Variants in ADARB2 observed in about 807,000 individuals in gnomAD.
ADARB2 encodes inactive double-stranded RNA-specific editase B2.
In ADARB2, 25 loss-of-function variants were observed where a neutral mutation model predicts 62.2. The ratio of observed to expected loss-of-function variants is 0.40; its 90% CI spans 0.29 to 0.56. The LOEUF is 0.56. Ranked by LOEUF, ADARB2 falls within the 20% of genes least tolerant of loss-of-function variation. The pLI is 0.43. For missense variants in ADARB2, 1,071 were observed against 1,077.4 expected, an observed-to-expected ratio of 0.99 and a Z score of 0.08; for synonymous variants, 572 against 500.8, an observed-to-expected ratio of 1.14 and a Z score of -1.90.
At chr10:1,462,503 T>C (rs1049712686) in intron 1 of ADARB2, among the ~76,000 whole-genome samples, 1 of 152,188 alleles carries the variant, frequency 6.6e-6, no homozygotes, top group African/African-American at 2.4e-5. Context: ...TTAGGGCGTG[T>C]GCATGAGTGT....
chr10:1,703,903 C>A (rs746265137), intron 1 of ADARB2, among the ~76,000 whole-genome samples: 5 of 152,184 alleles, frequency 3.3e-5, no homozygotes, highest in Admixed American at 6.5e-5. Context: ...AGTGACCTTG[C>A]GACTTTCACA....
In ADARB2 at chr10:1,273,135, ATATC is replaced by A. The variant is rs1438109340; in HGVS notation, c.1078-2070_1078-2067del. On this transcript the variant is annotated intron_variant, in intron 3 of 9. Transcript: ENST00000381312. ...CCATCTCAAAGTCCTTAACTTGAGG[ATATC>A]TGCAGAGAACGTTTTCTCAGTCACC... Among the ~76,000 whole-genome samples, 3 of 152,332 alleles carry A rather than the reference ATATC, an allele frequency of 2.0e-5. No homozygotes were observed. The East Asian group carries it at 5.8e-4, about 29-fold the overall frequency.
rs187234618 is a variant in ADARB2, at chr10:1,263,283, A to G, written c.1192+7672T>C. 1.7e-3 allele frequency among the ~76,000 whole-genome samples: 262 copies of G among 152,326 alleles called. 2 individuals carry two copies. Among genetic ancestry groups the G allele is most frequent in the African/African-American group, 6.0e-3 (248 of 41,568 alleles). ...GTACCCTAAAACTTAAAGTATAATA[A>G]TAGTAATAATAAAGAATATTTTAGC... On this transcript the variant is annotated intron_variant, in intron 4 of 9. Transcript: ENST00000381312.
At chr10:1,525,568 G>A (rs1208496060) in intron 1 of ADARB2, among the ~76,000 whole-genome samples, 3 of 152,060 alleles carry the variant, frequency 2.0e-5, no homozygotes, top group Non-Finnish European at 4.4e-5. Flanking sequence ...GGTGGTCCAC[G>A]TTTTCCTGTC....
At chr10:1,625,094 A>G (rs1267824503) in intron 1 of ADARB2, among the ~76,000 whole-genome samples, 1 of 152,218 alleles carries the variant, frequency 6.6e-6, no homozygotes, top group African/African-American at 2.4e-5. Context: ...TCTGTTCAGA[A>G]TTGGCCAAAC....
At chr10:1,657,805 C>T (rs1050147607) in intron 1 of ADARB2, among the ~76,000 whole-genome samples, 3 of 152,184 alleles carry the variant, frequency 2.0e-5, no homozygotes, top group Admixed American at 1.3e-4. Context: ...GCCTCCCTCC[C>T]GGTCTTTCTC....
intron 1 of ADARB2, among the ~76,000 whole-genome samples, chr10:1,703,645 T>C (rs1313027795): frequency 6.6e-6 from 1 of 152,230 alleles, no homozygotes; most frequent in African/African-American, 2.4e-5. Context: ...AGCATAATAA[T>C]CTTAAAATGA....
intron 1 of ADARB2, among the ~76,000 whole-genome samples, chr10:1,484,988 C>A (rs370650810): frequency 6.6e-6 from 1 of 151,512 alleles, no homozygotes; most frequent in Admixed American, 6.6e-5. Flanking sequence ...GTGTCTATGT[C>A]GGCATTCAGG....
chr10:1,587,087 G>A (rs1833190270), intron 1 of ADARB2, among the ~76,000 whole-genome samples: 1 of 152,074 alleles, frequency 6.6e-6, no homozygotes, highest in Non-Finnish European at 1.5e-5. Context: ...TTCATTAATG[G>A]CTAAAATGAT....
intron 2 of ADARB2, among the ~76,000 whole-genome samples, chr10:1,378,283 G>A (rs1832451833): frequency 6.6e-6 from 1 of 151,964 alleles, no homozygotes; most frequent in South Asian, 2.1e-4. Flanking sequence ...CCCCTTTCCA[G>A]TTTCATGTGC....
At chr10:1,525,521 G>A (rs558651989) in intron 1 of ADARB2, among the ~76,000 whole-genome samples, 184 of 152,088 alleles carry the variant, frequency 1.2e-3, no homozygotes, top group Non-Finnish European at 2.4e-3. Context: ...TATCTAGGGG[G>A]CCTTTTCAGT....
intron 1 of ADARB2, among the ~76,000 whole-genome samples, chr10:1,709,329 T>C (rs1834925855): frequency 6.6e-6 from 1 of 152,226 alleles, no homozygotes; most frequent in Admixed American, 6.5e-5. Flanking sequence ...TGTTTAGTCT[T>C]GTAAAACTGT....
chr10:1,546,879 C>A (rs964453236), intron 1 of ADARB2, among the ~76,000 whole-genome samples: 4 of 152,200 alleles, frequency 2.6e-5, no homozygotes, highest in Non-Finnish European at 5.9e-5. Flanking sequence ...GGCGGGAATG[C>A]GATGAGGGCT....
intron 1 of ADARB2, among the ~76,000 whole-genome samples, chr10:1,490,617 G>A (rs949986482): frequency 6.6e-6 from 1 of 152,074 alleles, no homozygotes. Context: ...ATCCTGCCCA[G>A]CTAATTTTTG....
chr10:1,649,721 A>G (rs149456081), intron 1 of ADARB2, among the ~76,000 whole-genome samples: 6 of 152,350 alleles, frequency 3.9e-5, no homozygotes, highest in Middle Eastern at 3.4e-3. Context: ...GACAGCCACA[A>G]GATGCAGTGC....
intron 1 of ADARB2, among the ~76,000 whole-genome samples, chr10:1,619,613 A>C (rs183579305): frequency 6.6e-6 from 1 of 152,176 alleles, no homozygotes; most frequent in East Asian, 1.9e-4. Context: ...CACCATGCCC[A>C]GCTAATTTTT....
intron 1 of ADARB2, among the ~76,000 whole-genome samples, chr10:1,719,747 G>A (rs138915043): frequency 5.9e-5 from 9 of 152,146 alleles, no homozygotes; most frequent in African/African-American, 4.8e-5. Flanking sequence ...GATCAAACAC[G>A]TTCTCTAAAG....
At chr10:1,296,650 T>G (rs1487562430) in intron 3 of ADARB2, among the ~76,000 whole-genome samples, 3 of 152,168 alleles carry the variant, frequency 2.0e-5, no homozygotes, top group African/African-American at 7.2e-5. Flanking sequence ...CCTGGGACTC[T>G]CTGCATTTAG....
chr10:1,650,193 A>T (rs1200561078), intron 1 of ADARB2, among the ~76,000 whole-genome samples: 1 of 152,264 alleles, frequency 6.6e-6, no homozygotes, highest in African/African-American at 2.4e-5. Flanking sequence ...ATTAAGTGGC[A>T]GCTCTACAAA....
Sources: allele counts gnomAD v4.1 joint callset (sites outside exome capture counted in the v4.1 genomes callset), GRCh38; gene constraint gnomAD v4.1.1; transcripts MANE v1.5; gene names NCBI Gene and HGNC (gene_info 2026-07-23, HGNC 2026-07-21).